SCRN1: variants seen among roughly 807,000 people sequenced by gnomAD.
The protein encoded by SCRN1 is secernin 1.
A neutral mutation model predicts 43.3 loss-of-function variants in SCRN1; 19 were observed. The observed-to-expected ratio is 0.44, with a 90% CI of 0.31 to 0.64. The LOEUF (loss-of-function observed/expected upper bound fraction) is 0.64, where lower values mean the gene tolerates loss of function less well. Among genes scored for constraint, SCRN1 ranks in the 30% least tolerant of loss-of-function variants. The pLI, the probability that SCRN1 is intolerant of heterozygous loss-of-function variation, is 0.09. For synonymous variants in SCRN1, 183 were observed against 188.9 expected (o/e 0.97, Z 0.26); for missense variants, 447 against 524.1 (o/e 0.85, Z 1.44).
chr7:29,981,371 C>G (rs1300027297), intron 1 of SCRN1, among the ~76,000 whole-genome samples: 1 of 152,188 alleles, frequency 6.6e-6, no homozygotes, highest in Admixed American at 6.5e-5. Context: ...TAAGATGTCT[C>G]AAGGTTTTTA....
chr7:29,948,525 G>C (rs1287948479), intron 3 of SCRN1, among the ~76,000 whole-genome samples: 2 of 152,180 alleles, frequency 1.3e-5, no homozygotes, highest in Non-Finnish European at 2.9e-5. Context: ...TTTCACACTG[G>C]CCTTTTGCCA....
chr7:29,975,293 C>T (rs1242207115), intron 1 of SCRN1, among the ~76,000 whole-genome samples: 2 of 152,040 alleles, frequency 1.3e-5, no homozygotes, highest in Non-Finnish European at 2.9e-5. Flanking sequence ...CAGAGTTTGT[C>T]CAGAAATAAA....
At chr7:29,960,860 C>T (rs1431939158) in intron 2 of SCRN1, among the ~76,000 whole-genome samples, 4 of 152,198 alleles carry the variant, frequency 2.6e-5, no homozygotes, top group East Asian at 1.9e-4. Flanking sequence ...ACCTATTTAT[C>T]AATAGGTATT....
chr7:29,957,005 G>A (rs1204489739), intron 2 of SCRN1, among the ~76,000 whole-genome samples: 2 of 152,144 alleles, frequency 1.3e-5, no homozygotes, highest in African/African-American at 2.4e-5. Flanking sequence ...ACCCCTGTCC[G>A]CACTGAGTGC....
intron 6 of SCRN1, among the ~76,000 whole-genome samples, chr7:29,929,807 T>C (rs762377879): frequency 1.3e-5 from 2 of 152,262 alleles, no homozygotes; most frequent in Non-Finnish European, 2.9e-5. Context: ...CCAGCTTCAG[T>C]AAGCTCATGC....
At chr7:29,940,588 T>A in intron 5 of SCRN1, 94 bp downstream of exon 5, 1 of 1,233,160 alleles carries the variant, frequency 8.1e-7, no homozygotes, top group Non-Finnish European at 1.1e-6. Context: ...CTGTATTCCT[T>A]TTTGTTCACC....
chr7:29,958,201 T>G (rs2128094766), intron 2 of SCRN1, among the ~76,000 whole-genome samples: 1 of 152,310 alleles, frequency 6.6e-6, no homozygotes, highest in Non-Finnish European at 1.5e-5. Flanking sequence ...ATAAGGGCTC[T>G]TCTATGACAG....
chr7:29,925,048 C>T (rs1402074595), intron 7 of SCRN1, among the ~76,000 whole-genome samples: 1 of 152,164 alleles, frequency 6.6e-6, no homozygotes, highest in Non-Finnish European at 1.5e-5. Flanking sequence ...CACCACACAG[C>T]GACAGTTTTC....
At chr7:29,963,373 A>G (rs978386065) in intron 2 of SCRN1, among the ~76,000 whole-genome samples, 1 of 152,108 alleles carries the variant, frequency 6.6e-6, no homozygotes, top group African/African-American at 2.4e-5. Flanking sequence ...GAGGCCTGGA[A>G]GGATAAACAG....
rs1787895092 is a variant in SCRN1 at position 29,950,807 on chromosome 7, G to A, written c.341+4372C>T. Among the ~76,000 whole-genome samples the A allele has an allele frequency of 6.6e-6, 1 of 152,224 alleles. No individual in the cohort carries two copies. Among genetic ancestry groups the A allele is most frequent in the Non-Finnish European group, 1.5e-5 (1 of 68,026 alleles). The stretch of plus-strand genomic sequence containing the variant: ...TCTGCTGAGAGCTGGATACTCGTCA[G>A]GATGACCTGCCTGCAGAATGGAGCT... On this transcript the variant is annotated intron_variant, in intron 3 of 7. Coordinates refer to ENST00000242059, the MANE Select transcript of SCRN1 (RefSeq NM_014766.5). This position sits in a 1 kb window ranked among gnomAD's most constrained non-coding sequence, Gnocchi z 4.5.
upstream of SCRN1, chr7:29,990,065 C>A: frequency 6.6e-7 from 1 of 1,510,906 alleles, no homozygotes; most frequent in South Asian, 1.3e-5. Flanking sequence ...AAGGGAAAAC[C>A]CGGGCTTCAA....
intron 1 of SCRN1, among the ~76,000 whole-genome samples, chr7:29,984,034 T>G (rs770092297): frequency 5.3e-5 from 8 of 151,946 alleles, no homozygotes; most frequent in Non-Finnish European, 1.2e-4. Flanking sequence ...GGCATTACCT[T>G]ATCTCTACTA....
chr7:29,984,718 C>T (rs1023896661), intron 1 of SCRN1, among the ~76,000 whole-genome samples: 2 of 150,438 alleles, frequency 1.3e-5, no homozygotes, highest in South Asian at 4.2e-4. Context: ...GTCAGGAGCT[C>T]GAGACCAGCC....
intron 6 of SCRN1, among the ~76,000 whole-genome samples, chr7:29,931,991 C>CA (rs1056078938): frequency 1.2e-3 from 186 of 151,368 alleles, no homozygotes; most frequent in African/African-American, 4.3e-3. Context: ...TTAAAACAAA[C>CA]AAAAAAAAAC....
At chr7:29,977,347 A>T (rs564056788) in intron 1 of SCRN1, among the ~76,000 whole-genome samples, 1 of 152,360 alleles carries the variant, frequency 6.6e-6, no homozygotes, top group East Asian at 1.9e-4. Context: ...TATACTCTTC[A>T]TTAATAAATT....
chr7:29,924,028 G>T lies in SCRN1; in HGVS notation c.1174C>A (p.Pro392Thr). 1 of 1,614,166 alleles carries T rather than the reference G, an allele frequency of 6.2e-7. No homozygotes were observed. Among genetic ancestry groups the T allele is most frequent in the South Asian group, 1.1e-5 (1 of 91,082 alleles). Reference protein sequence around the residue: ...AMEEILTSSEPLDPAEVGDLF... With the variant: ...AMEEILTSSETLDPAEVGDLF... ...TCCCCCACTTCCGCAGGGTCCAGTG[G>T]CTCGGAGCTGGTCAGGATTTCTTCC... Residue 392 changes from proline to threonine, a missense_variant, in exon 8 of 8, where the codon CCA (proline) becomes ACA (threonine). Physicochemically the swap from Pro to Thr is conservative, Grantham distance 38. Coordinates refer to ENST00000242059, the MANE Select transcript of SCRN1 (RefSeq NM_014766.5).
At chr7:29,943,857 C>T in intron 4 of SCRN1, 120 bp downstream of exon 4, 1 of 921,248 alleles carries the variant, frequency 1.1e-6, no homozygotes, top group Non-Finnish European at 1.7e-6. Flanking sequence ...ATGACAGTCC[C>T]ACACAGAGAG....
At chr7:29,939,948 C>T (rs960453114) in intron 5 of SCRN1, among the ~76,000 whole-genome samples, 6 of 150,256 alleles carry the variant, frequency 4.0e-5, no homozygotes, top group Non-Finnish European at 5.9e-5. Flanking sequence ...CCAGGAGTGT[C>T]AGACCAGCCT....
In SCRN1 at chr7:29,936,724, G is replaced by A; in HGVS notation, c.740-3C>T. On this transcript the variant is annotated splice_region_variant and splice_polypyrimidine_tract_variant and intron_variant, in intron 5 of 7. Coordinates refer to ENST00000242059, the MANE Select transcript of SCRN1 (RefSeq NM_014766.5). ...CATAGTCTGCACTGTGATGCTTTCT[G>A]CAAAAACACAAAAGACAGACAAATG... The A allele has an allele frequency of 6.6e-7, 1 of 1,525,608 alleles. No individual in the cohort carries two copies. Among genetic ancestry groups the A allele is most frequent in the Non-Finnish European group, 8.9e-7 (1 of 1,121,706 alleles). The allele number at this position is 1,525,608 out of a possible 1,614,324, so 94.5% of individuals were successfully genotyped here.
Sources: allele counts gnomAD v4.1 joint callset (sites outside exome capture counted in the v4.1 genomes callset), GRCh38; gene constraint gnomAD v4.1.1; non-coding constraint Gnocchi (gnomAD v3.1); transcripts MANE v1.5; gene names NCBI Gene and HGNC (gene_info 2026-07-23, HGNC 2026-07-21).